Variants in ERGIC3 observed in about 807,000 individuals in gnomAD.
ERGIC3 encodes ERGIC and golgi 3.
A neutral mutation model predicts 54.7 loss-of-function variants in ERGIC3; 33 were observed. The observed-to-expected ratio is 0.60, with a 90% CI of 0.46 to 0.81. The LOEUF is 0.81. Ranked by LOEUF, ERGIC3 falls within the 30% of genes least tolerant of loss-of-function variation. The probability of loss-of-function intolerance (pLI) is 0.00; values close to 1 mark genes in which losing one functional copy is unlikely to be tolerated. For missense variants in ERGIC3, 399 were observed against 488.4 expected (o/e 0.82, Z 1.73); for synonymous variants, 186 against 189.8 (o/e 0.98, Z 0.16).
At chr20:35,544,722 G>A (rs2064638318) in intron 4 of ERGIC3, 3 of 164,452 alleles carry the variant, frequency 1.8e-5, no homozygotes, top group Non-Finnish European at 2.6e-5. Context: ...CAAGGCACAC[G>A]GCCATAGTGG....
intron 10 of ERGIC3, chr20:35,556,756 G>A (rs2064715105): frequency 1.6e-6 from 1 of 639,822 alleles, no homozygotes. Context: ...TAGGTAAACT[G>A]TAAAGACTTG....
chr20:35,542,697 A>G (rs1315075067), intron 3 of ERGIC3, 97 bp downstream of exon 3: 3 of 1,601,694 alleles, frequency 1.9e-6, no homozygotes, highest in African/African-American at 2.7e-5. Context: ...ACTGGACCCC[A>G]GGACAACCTC....
Position 35,557,547 on chromosome 20 carries a change from G to T in ERGIC3, c.*43G>T. The T allele has an allele frequency of 1.9e-6, 3 of 1,581,042 alleles. No individual in the cohort carries two copies. Among genetic ancestry groups the T allele is most frequent in the Non-Finnish European group, 2.6e-6 (3 of 1,150,952 alleles). On this transcript the variant is annotated 3_prime_UTR_variant, in exon 13 of 13. Coordinates refer to ENST00000348547, the MANE Select transcript of ERGIC3 (RefSeq NM_015966.3). Reference sequence around the variant, plus strand: ...TCTGTCTCCTCTTTCTCCCTGGCCTGTGGTTGTCCCCCAGCCTCTGCCACC... The same window carrying T: ...TCTGTCTCCTCTTTCTCCCTGGCCTTTGGTTGTCCCCCAGCCTCTGCCACC...
In ERGIC3 at chr20:35,557,526, TCTC is replaced by T. The variant is rs1230191119; in HGVS notation, c.*26_*28del. 3 of 1,606,018 alleles carry T rather than the reference TCTC, an allele frequency of 1.9e-6. No homozygotes were observed. Among genetic ancestry groups the T allele is most frequent in the Admixed American group, 1.7e-5 (1 of 60,012 alleles). On this transcript the variant is annotated 3_prime_UTR_variant, in exon 13 of 13. Transcript: ENST00000348547. ...GTAGTCACCCTCGGTGCTTCCTCTG[TCTC>T]CTCTTTCTCCCTGGCCTGTGGTTGT...
rs1568867953 is a variant in ERGIC3, at chr20:35,542,876, A to G, written c.302A>G (p.His101Arg). 2 of 1,614,122 alleles carry G rather than the reference A, an allele frequency of 1.2e-6. No individual in the cohort carries two copies. Among genetic ancestry groups the G allele is most frequent in the Admixed American group, 3.3e-5 (2 of 60,010 alleles). The change falls in exon 4 of 13, where the codon CAC (histidine) becomes CGC (arginine). Residue 101 changes from histidine (H) to arginine (R), a missense_variant. Coordinates refer to ENST00000348547, the MANE Select transcript of ERGIC3 (RefSeq NM_015966.3). ...VAGEQQLDVE[H>R]NLFKQRLDKD... ...GGAGAACAGCAGCTGGATGTGGAAC[A>G]CAACCTGTTCAAGCAACGACTAGAT...
In ERGIC3 at chr20:35,542,306, C is replaced by G. The variant is rs1457937783; in HGVS notation, c.89-17C>G. 2.5e-6 allele frequency: 4 copies of G among 1,614,070 alleles called. No individual in the cohort carries two copies. The South Asian group carries it at 3.3e-5, about 13-fold the overall frequency. Reference sequence around the variant, plus strand: ...GCGGATTCGAGGCCATTCTGACCCTCGCCCCTTGTCCTGCAGTGACCATTG... The same window carrying G: ...GCGGATTCGAGGCCATTCTGACCCTGGCCCCTTGTCCTGCAGTGACCATTG... On this transcript the variant is annotated splice_polypyrimidine_tract_variant and intron_variant, in intron 1 of 12. Transcript: ENST00000348547.
At position 35,542,916 on chromosome 20, in the gene ERGIC3, C is replaced by G. The variant is rs570834269; in HGVS notation, c.342C>G (p.Pro114=). ...AACGACTAGATAAAGATGGCATCCC[C>G]GTGAGCTCAGAGGCTGAGCGGCATG... is the stretch of plus-strand genomic sequence containing the variant. ...FKQRLDKDGI[P]VSSEAERHEL... The change falls in exon 4 of 13, where the codon CCC becomes CCG. Residue 114 remains proline, a synonymous_variant. Transcript: ENST00000348547. 1 of 1,613,864 alleles carries G rather than the reference C, an allele frequency of 6.2e-7. No homozygotes were observed. Among genetic ancestry groups the G allele is most frequent in the African/African-American group, 1.3e-5 (1 of 74,908 alleles).
intron 7 of ERGIC3, among the ~76,000 whole-genome samples, chr20:35,551,394 G>A (rs940237932): frequency 2.0e-5 from 3 of 152,000 alleles, no homozygotes; most frequent in Non-Finnish European, 2.9e-5. Context: ...GCTGGTATTC[G>A]GCTTTTGACG....
At position 35,557,027 on chromosome 20, in the gene ERGIC3, C is replaced by G; in HGVS notation, c.934C>G (p.Leu312Val). Reference protein sequence around the residue: ...VTRHEKVANGLLGDQGLPGVF... With the variant: ...VTRHEKVANGVLGDQGLPGVF... Reference sequence around the variant, plus strand: ...CAGACATGAGAAGGTTGCCAATGGGCTGTTGGGCGACCAAGGCCTTCCCGG... The same window carrying G: ...CAGACATGAGAAGGTTGCCAATGGGGTGTTGGGCGACCAAGGCCTTCCCGG... The change falls in exon 11 of 13, where the codon CTG becomes GTG. Residue 312 changes from leucine to valine, a missense_variant. Physicochemically the swap from Leu to Val is conservative, Grantham distance 32. Transcript: ENST00000348547. 5 of 1,614,244 alleles carry G rather than the reference C, an allele frequency of 3.1e-6. No homozygotes were observed. The highest frequency in any genetic ancestry group is 4.2e-6 in the Non-Finnish European group (5 of 1,180,036).
At chr20:35,554,225 C>A in intron 7 of ERGIC3, 1 of 1,057,136 alleles carries the variant, frequency 9.5e-7, no homozygotes, top group Non-Finnish European at 1.5e-6. Context: ...CGAGGAGGGG[C>A]CCAGAAGGAG....
chr20:35,542,200 G>T lies in ERGIC3; in HGVS notation c.88+15G>T, dbSNP rs750248457. The T allele has an allele frequency of 7.6e-6, 12 of 1,584,654 alleles. No individual in the cohort carries two copies. The East Asian group carries it at 2.5e-4, about 33-fold the overall frequency. On this transcript the variant is annotated intron_variant, in intron 1 of 12. Transcript: ENST00000348547. ...GGGCGCCACCGGTAGGCCGCAGCGGGGCCGGGGTCGCGTGGAGGGGGGCGT... is the reference window on the plus strand; with the variant it reads ...GGGCGCCACCGGTAGGCCGCAGCGGTGCCGGGGTCGCGTGGAGGGGGGCGT...
intron 6 of ERGIC3, 24 bp downstream of exon 6, chr20:35,548,698 A>G (rs760886960): frequency 1.9e-6 from 3 of 1,614,198 alleles, no homozygotes; most frequent in Non-Finnish European, 1.7e-6. Context: ...TCAAGACAAG[A>G]TAGGGCCAGC....
chr20:35,547,181 G>A (rs1412332256), intron 4 of ERGIC3: 1 of 490,112 alleles, frequency 2.0e-6, no homozygotes, highest in African/African-American at 2.0e-5. Flanking sequence ...ACAGTGATCT[G>A]TACACAGCTA....
At chr20:35,547,551 TGTCA>T (rs762721281) in intron 5 of ERGIC3, 46 bp downstream of exon 5, 1 of 1,564,108 alleles carries the variant, frequency 6.4e-7, no homozygotes, top group Non-Finnish European at 8.8e-7. Context: ...AGGCGCCATC[TGTCA>T]GTCAGCCTCA....
rs537703522 is a variant in ERGIC3 at position 35,542,078 on chromosome 20, C to T, written c.-20C>T. 21 of 1,507,950 alleles carry T rather than the reference C, an allele frequency of 1.4e-5. No homozygotes were observed. The East Asian group carries it at 3.8e-4, about 27-fold the overall frequency. 93.4% of individuals were successfully genotyped at this position (1,507,950 alleles called of 1,614,324 possible). ...TCTGTAGGGGCGGGCCGGCTGGCGT[C>T]CCCTTTCCGGCCGGTCCCCATGGAG... is the stretch of plus-strand genomic sequence containing the variant. On this transcript the variant is annotated 5_prime_UTR_variant, in exon 1 of 13. Coordinates refer to ENST00000348547, the MANE Select transcript of ERGIC3 (RefSeq NM_015966.3).
In ERGIC3 at chr20:35,548,807, G is replaced by C. The variant is rs1450776933; in HGVS notation, c.628-1G>C. 6.2e-7 allele frequency: 1 copy of C among 1,614,252 alleles called. No individual in the cohort carries two copies. Among genetic ancestry groups the C allele is most frequent in the Non-Finnish European group, 8.5e-7 (1 of 1,180,046 alleles). ...TGAATGAGAGAGAATGTTCCTTACA[G>C]GTGGCCGGAAACTTCCACTTTGCCC... On this transcript the variant is annotated splice_acceptor_variant, in intron 6 of 12. Coordinates refer to ENST00000348547, the MANE Select transcript of ERGIC3 (RefSeq NM_015966.3). LOFTEE classifies it high-confidence loss of function.
intron 7 of ERGIC3, chr20:35,554,504 G>A (rs1382572795): frequency 8.9e-7 from 1 of 1,128,648 alleles, no homozygotes; most frequent in Non-Finnish European, 1.3e-6. Flanking sequence ...TGGCTGCTGG[G>A]TGACTGTAAA....
At chr20:35,554,790 G>A in intron 7 of ERGIC3, 2 of 605,722 alleles carry the variant, frequency 3.3e-6, no homozygotes, top group South Asian at 3.9e-5. Context: ...GGTAGTCAAG[G>A]CATAGAGTTC....
At chr20:35,548,935 T>C (rs2064667009) in intron 7 of ERGIC3, 70 bp downstream of exon 7, 2 of 1,555,588 alleles carry the variant, frequency 1.3e-6, no homozygotes, top group South Asian at 2.2e-5. Context: ...AGTGGTCCTC[T>C]TCTGCCTGCT....
Sources: gnomAD v4.1 joint callset for allele counts (sites outside exome capture counted in the v4.1 genomes callset) on GRCh38, gnomAD v4.1.1 for gene constraint, MANE v1.5 for transcripts, NCBI Gene and HGNC (gene_info 2026-07-23, HGNC 2026-07-21) for gene names.